Variants in MIER2 observed in about 807,000 individuals in gnomAD.
MIER2 encodes the protein mesoderm induction early response protein 2.
A neutral mutation model predicts 67.6 loss-of-function variants in MIER2; 30 were observed. The observed-to-expected ratio is 0.44, with a 90% CI of 0.33 to 0.60. MIER2 has a LOEUF of 0.60. Among genes scored for constraint, MIER2 ranks in the 20% least tolerant of loss-of-function variants. The pLI is 0.02. For missense variants in MIER2, 702 were observed against 745.1 expected (o/e 0.94, Z 0.67); for synonymous variants, 372 against 312.6 (o/e 1.19, Z -2.00).
At chr19:311,982 G>T (rs370623272) in intron 9 of MIER2, 43 bp from the exon 10 acceptor site, 1 of 1,571,170 alleles carries the variant, frequency 6.4e-7, no homozygotes, top group Non-Finnish European at 8.7e-7. Context: ...TGCCCAGGGC[G>T]GGGCCGCAGC....
intron 7 of MIER2, among the ~76,000 whole-genome samples, chr19:314,961 G>A (rs1303702639): frequency 6.6e-6 from 1 of 152,116 alleles, no homozygotes; most frequent in Non-Finnish European, 1.5e-5. Flanking sequence ...GCTACGGTGG[G>A]ATTGAGGCTA....
chr19:343,670 T>TGGGC (rs1053115958), intron 1 of MIER2: 1 of 277,824 alleles, frequency 3.6e-6, no homozygotes, highest in African/African-American at 2.3e-5. Flanking sequence ...CCTGGCTGGG[T>TGGGC]GGGCACCTTT....
chr19:341,186 A>C (rs141750325), intron 1 of MIER2, among the ~76,000 whole-genome samples: 5 of 152,316 alleles, frequency 3.3e-5, no homozygotes, highest in Non-Finnish European at 7.4e-5. Flanking sequence ...TTCCTGCCTC[A>C]GTCAGGGGCT....
At position 308,656 on chromosome 19, in the gene MIER2, G is replaced by T; in HGVS notation, c.1119C>A (p.Asp373Glu). The T allele has an allele frequency of 6.2e-7, 1 of 1,602,960 alleles. No homozygotes were observed. The change falls in exon 12 of 14, where the codon GAC (aspartate) becomes GAA (glutamate). Residue 373 changes from aspartate (D) to glutamate (E), a missense_variant. By Grantham distance (45) the Asp-to-Glu change is conservative. Around this residue, in one of 3 missense-constraint regions of MIER2, gnomAD observed 254 missense variants for 262.8 expected, o/e 0.97. Transcript: ENST00000264819. The surrounding 1 kb of genome is among the most constrained non-coding windows in gnomAD (Gnocchi z 9.1). Reference protein sequence around the residue: ...KYVPSGTTDADQDLDGSDPDG... With the variant: ...KYVPSGTTDAEQDLDGSDPDG... Reference sequence around the variant, plus strand: ...CGGGGTCGCTGCCATCCAGGTCCTGGTCTGCGTCCCTGTGGGGAGAGGGCG... The same window carrying T: ...CGGGGTCGCTGCCATCCAGGTCCTGTTCTGCGTCCCTGTGGGGAGAGGGCG...
At chr19:325,809 C>A in intron 6 of MIER2, 105 bp from the exon 7 acceptor site, 1 of 1,195,432 alleles carries the variant, frequency 8.4e-7, no homozygotes, top group Non-Finnish European at 1.2e-6. Context: ...GGCCACTGTC[C>A]AGACCCCAGA....
intron 8 of MIER2, 144 bp downstream of exon 8, chr19:313,348 A>G: frequency 1.5e-6 from 2 of 1,314,808 alleles, no homozygotes; most frequent in East Asian, 2.3e-5. Flanking sequence ...TGACCTGAGT[A>G]GCTGTTCCAG....
At chr19:344,648 C>T in intron 1 of MIER2, 126 bp downstream of exon 1, 1 of 595,384 alleles carries the variant, frequency 1.7e-6, no homozygotes, top group Non-Finnish European at 2.2e-6. Context: ...CCAGGCGCCC[C>T]GGCCGGCCTC....
chr19:325,296 C>T (rs1971689293), intron 7 of MIER2, among the ~76,000 whole-genome samples: 1 of 152,200 alleles, frequency 6.6e-6, no homozygotes, highest in East Asian at 1.9e-4. Flanking sequence ...CCATCTAACC[C>T]GGCACAGAGC....
chr19:310,700 CGGCCCGGAGCTATAGGAACAT>C (rs1178478341), intron 10 of MIER2, among the ~76,000 whole-genome samples: 1 of 145,126 alleles, frequency 6.9e-6, no homozygotes, highest in African/African-American at 2.7e-5. Context: ...TATAGAAACA[CGGCCCGGAGCTATAGGAACAT>C]GGCCCGGAGC....
chr19:316,696 G>A (rs1200044246), intron 7 of MIER2, among the ~76,000 whole-genome samples: 1 of 152,192 alleles, frequency 6.6e-6, no homozygotes, highest in Non-Finnish European at 1.5e-5. Context: ...AAGCTGTGAG[G>A]CCCGGTGTGG....
intron 1 of MIER2, chr19:343,670 TG>T: frequency 3.6e-6 from 1 of 277,942 alleles, no homozygotes; most frequent in Middle Eastern, 1.8e-3. Context: ...CCTGGCTGGG[TG>T]GGCACCTTTT....
intron 1 of MIER2, among the ~76,000 whole-genome samples, chr19:340,151 T>C (rs997305831): frequency 1.3e-5 from 2 of 151,758 alleles, no homozygotes; most frequent in Non-Finnish European, 2.9e-5. Context: ...AGAGATAGAG[T>C]CAGTTACCCA....
chr19:341,068 C>A (rs187149514), intron 1 of MIER2, among the ~76,000 whole-genome samples: 1 of 152,218 alleles, frequency 6.6e-6, no homozygotes, highest in African/African-American at 2.4e-5. Flanking sequence ...CACAGCCACA[C>A]GCGGTGTGAA....
rs1015599215 is a variant in MIER2, at chr19:320,436, C to T, written c.655+5199G>A. 6.6e-5 allele frequency among the ~76,000 whole-genome samples: 10 copies of T among 151,668 alleles called. No individual in the cohort carries two copies. The South Asian group carries it at 8.4e-4, about 13-fold the overall frequency. ...AAAATTTAAATTTAAAAAATAGATACGTAAATAAAATTTAAATTAAAAATA... is the reference window on the plus strand; with the variant it reads ...AAAATTTAAATTTAAAAAATAGATATGTAAATAAAATTTAAATTAAAAATA... On this transcript the variant is annotated intron_variant, in intron 7 of 13. Transcript: ENST00000264819.
At chr19:322,016 T>C (rs939246335) in intron 7 of MIER2, among the ~76,000 whole-genome samples, 3 of 152,156 alleles carry the variant, frequency 2.0e-5, no homozygotes, top group African/African-American at 7.2e-5. Flanking sequence ...GCCATTCTCC[T>C]GCCTCAGCCT....
In MIER2 at chr19:327,899, C is replaced by T. The variant is rs200649681; in HGVS notation, c.334G>A (p.Val112Met). The T allele has an allele frequency of 1.8e-5, 29 of 1,612,430 alleles. No individual in the cohort carries two copies. The highest frequency in any genetic ancestry group is 2.2e-5 in the East Asian group (1 of 44,630). ...GTCATGTCTGGGAGGTTCGGGGCCA[C>T]GTCACCACCCTCACTCTCCCGGTCT... ...ISDRESEGGDVAPNLPDMTLD... is the reference protein window; with the variant it reads ...ISDRESEGGDMAPNLPDMTLD... The change falls in exon 4 of 14, where the codon GTG becomes ATG. Residue 112 changes from valine (V) to methionine (M), a missense_variant. Val to Met is a conservative substitution (Grantham distance 21, BLOSUM62 1). This residue lies in a region of MIER2 where 320 missense variants were observed against 292.6 expected (regional missense o/e 1.09). Transcript: ENST00000264819.
chr19:334,588 C>A (rs1040407968), intron 2 of MIER2, 46 bp from the exon 3 acceptor site: 3 of 1,595,574 alleles, frequency 1.9e-6, no homozygotes, highest in Middle Eastern at 1.7e-4. Flanking sequence ...CCTCGCCTGT[C>A]CCAACCATCC....
chr19:310,747 C>A (rs372733095), intron 10 of MIER2, among the ~76,000 whole-genome samples: 2 of 132,504 alleles, frequency 1.5e-5, no homozygotes, highest in East Asian at 4.2e-4. Flanking sequence ...AAACACAGCC[C>A]GGAGCTACAG....
At position 325,625 on chromosome 19, in the gene MIER2, C is replaced by A. The variant is rs748838746; in HGVS notation, c.655+10G>T. On this transcript the variant is annotated intron_variant, in intron 7 of 13. Transcript: ENST00000264819. ...GTGGGTTTCGCCTCCTCTCCCCAGG[C>A]CCTACTTACTCTTCTCACAGTGCCG... 5.0e-6 allele frequency: 8 copies of A among 1,614,208 alleles called. No individual in the cohort carries two copies. Among genetic ancestry groups the A allele is most frequent in the Non-Finnish European group, 6.8e-6 (8 of 1,180,026 alleles).
Sources: allele counts gnomAD v4.1 joint callset (sites outside exome capture counted in the v4.1 genomes callset), GRCh38; gene constraint gnomAD v4.1.1; regional missense constraint gnomAD v4.1.1; non-coding constraint Gnocchi (gnomAD v3.1); transcripts MANE v1.5; gene names NCBI Gene and HGNC (gene_info 2026-07-23, HGNC 2026-07-21).